The following PRKCA variants were observed in gnomAD, a reference collection of about 807,000 sequenced individuals.
PRKCA encodes the protein protein kinase C alpha type.
A neutral mutation model predicts 87.0 loss-of-function variants in PRKCA; 27 were observed. That is an observed-to-expected ratio of 0.31 (90% CI 0.23 to 0.43). The LOEUF (loss-of-function observed/expected upper bound fraction) is 0.43, where lower values mean the gene tolerates loss of function less well. Ranked by LOEUF, PRKCA falls within the 20% of genes least tolerant of loss-of-function variation. The probability of loss-of-function intolerance (pLI) is 1.00; values close to 1 mark genes in which losing one functional copy is unlikely to be tolerated. For synonymous variants in PRKCA, 329 were observed against 311.1 expected, an observed-to-expected ratio of 1.06 and a Z score of -0.61; for missense variants, 518 against 852.3, an observed-to-expected ratio of 0.61 and a Z score of 4.88.
intron 3 of PRKCA, among the ~76,000 whole-genome samples, chr17:66,501,038 C>T (rs1021052423): frequency 2.6e-5 from 4 of 151,976 alleles, no homozygotes; most frequent in African/African-American, 9.7e-5. Context: ...TTGAGCTTGG[C>T]AGACTCTAAC....
intron 2 of PRKCA, among the ~76,000 whole-genome samples, chr17:66,448,079 C>T (rs1914126147): frequency 6.6e-6 from 1 of 152,174 alleles, no homozygotes; most frequent in African/African-American, 2.4e-5. Context: ...CTTGAAATTA[C>T]AGTAGAAAGC....
intron 2 of PRKCA, among the ~76,000 whole-genome samples, chr17:66,494,409 A>T (rs1334331920): frequency 1.3e-5 from 2 of 152,204 alleles, no homozygotes; most frequent in Non-Finnish European, 1.5e-5. Context: ...GCATGCTCCC[A>T]GGGGGAGGAA....
At chr17:66,728,596 CCTGA>C (rs1973812000) in intron 8 of PRKCA, among the ~76,000 whole-genome samples, 1 of 152,226 alleles carries the variant, frequency 6.6e-6, no homozygotes, top group East Asian at 1.9e-4. Flanking sequence ...CAGCCTTTAG[CCTGA>C]CTGTGAGCAG....
chr17:66,778,765 C>T (rs997882549), intron 14 of PRKCA, among the ~76,000 whole-genome samples: 6 of 145,500 alleles, frequency 4.1e-5, no homozygotes, highest in African/African-American at 1.3e-4. Flanking sequence ...TGATCGAGCC[C>T]GGGGGGTCAA....
At chr17:66,351,192 C>T (rs1051907010) in intron 2 of PRKCA, among the ~76,000 whole-genome samples, 7 of 152,146 alleles carry the variant, frequency 4.6e-5, no homozygotes, top group East Asian at 1.9e-4. Flanking sequence ...TGAATGAGTA[C>T]AGCCGAATTT....
At chr17:66,611,421 T>G (rs1970361198) in intron 3 of PRKCA, among the ~76,000 whole-genome samples, 1 of 152,244 alleles carries the variant, frequency 6.6e-6, no homozygotes, top group African/African-American at 2.4e-5. Context: ...TTCTGGACAC[T>G]TCACATAAAT....
intron 2 of PRKCA, among the ~76,000 whole-genome samples, chr17:66,322,618 G>A (rs937110413): frequency 7.4e-5 from 11 of 149,632 alleles, no homozygotes; most frequent in African/African-American, 9.9e-5. Context: ...AGCTCTCACC[G>A]TGCCCAGCTA....
chr17:66,362,003 C>T (rs72846614), intron 2 of PRKCA, among the ~76,000 whole-genome samples: 2 of 152,028 alleles, frequency 1.3e-5, no homozygotes, highest in African/African-American at 2.4e-5. Flanking sequence ...AAGCCACTTG[C>T]GTGTTCTAGA....
At chr17:66,492,008 T>G (rs1224578043) in intron 2 of PRKCA, among the ~76,000 whole-genome samples, 4 of 152,226 alleles carry the variant, frequency 2.6e-5, no homozygotes, top group Non-Finnish European at 4.4e-5. Flanking sequence ...CTTTTTCTCC[T>G]TAGTCACCCA....
chr17:66,617,315 C>T (rs981412176), intron 3 of PRKCA, among the ~76,000 whole-genome samples: 1 of 152,048 alleles, frequency 6.6e-6, no homozygotes, highest in Non-Finnish European at 1.5e-5. Context: ...CATCCTGGCT[C>T]GTTGGCTGGT....
chr17:66,488,206 T>C (rs549448537), intron 2 of PRKCA, among the ~76,000 whole-genome samples: 23 of 152,326 alleles, frequency 1.5e-4, no homozygotes, highest in Admixed American at 1.3e-3. Flanking sequence ...GAATTCTTTC[T>C]GTGGAAAGTA....
intron 4 of PRKCA, among the ~76,000 whole-genome samples, chr17:66,644,173 C>A (rs1397235495): frequency 1.3e-5 from 2 of 152,194 alleles, no homozygotes; most frequent in Non-Finnish European, 2.9e-5. Context: ...GAAATAGAAG[C>A]CTAATAGCAT....
At chr17:66,473,102 C>CCCATTCCT (rs1915392202) in intron 2 of PRKCA, among the ~76,000 whole-genome samples, 1 of 152,188 alleles carries the variant, frequency 6.6e-6, no homozygotes, top group Non-Finnish European at 1.5e-5. Context: ...CCCCCATTCC[C>CCCATTCCT]CCATTCCTCC....
chr17:66,464,192 C>T (rs73996220), intron 2 of PRKCA, among the ~76,000 whole-genome samples: 5,988 of 152,104 alleles, frequency 0.039, 379 homozygotes, highest in African/African-American at 0.14. Flanking sequence ...TTTTCTATGT[C>T]TTTTCGTGGC....
At chr17:66,643,843 G>A (rs1314033043) in intron 4 of PRKCA, among the ~76,000 whole-genome samples, 6 of 152,178 alleles carry the variant, frequency 3.9e-5, no homozygotes, top group Admixed American at 1.3e-4. Flanking sequence ...GGGGCAGGAC[G>A]TCAGGGGGCA....
chr17:66,729,882 C>G (rs1973845896), intron 8 of PRKCA, among the ~76,000 whole-genome samples: 2 of 150,428 alleles, frequency 1.3e-5, no homozygotes, highest in South Asian at 4.2e-4. Context: ...CCTCCCCAGT[C>G]CCAGTTCAAG....
chr17:66,535,320 A>G (rs1244378482), intron 3 of PRKCA, among the ~76,000 whole-genome samples: 1 of 152,234 alleles, frequency 6.6e-6, no homozygotes, highest in Non-Finnish European at 1.5e-5. Context: ...CTTTTTGAGT[A>G]TAAATAGGCC....
At chr17:66,329,027 T>C (rs1348937487) in intron 2 of PRKCA, among the ~76,000 whole-genome samples, 1 of 152,238 alleles carries the variant, frequency 6.6e-6, no homozygotes, top group Non-Finnish European at 1.5e-5. Context: ...AGGAGGATCA[T>C]GCCTACTGTT....
intron 16 of PRKCA, among the ~76,000 whole-genome samples, chr17:66,798,818 ATGG>A (rs1975776320): frequency 0.028 from 34 of 1,196 alleles, no homozygotes; most frequent in Admixed American, 0.036. Flanking sequence ...GGTGGTGGTG[ATGG>A]TGGTGGTGGT....
Sources: allele counts gnomAD v4.1 joint callset (sites outside exome capture counted in the v4.1 genomes callset), GRCh38; gene constraint gnomAD v4.1.1; transcripts MANE v1.5; gene names NCBI Gene and HGNC (gene_info 2026-07-23, HGNC 2026-07-21).